Variants in CREB1 observed in about 807,000 individuals in gnomAD.
CREB1 encodes the protein cyclic AMP-responsive element-binding protein 1.
CREB1 carries 2 observed loss-of-function variants against 42.0 expected under a neutral mutation model. The observed-to-expected ratio is 0.05, with a 90% confidence interval of 0.02 to 0.15. The LOEUF (loss-of-function observed/expected upper bound fraction) is 0.15. Ranked by LOEUF, CREB1 falls within the 10% of genes least tolerant of loss-of-function variation. CREB1 has a pLI of 1.00. For synonymous variants in CREB1, 123 were observed against 139.9 expected (o/e 0.88, Z 0.85); for missense variants, 199 against 388.9 (o/e 0.51, Z 4.11).
chr2:207,602,220 T>A lies in CREB1; in HGVS notation c.*5162T>A, dbSNP rs2087182418. On this transcript the variant is annotated 3_prime_UTR_variant, in exon 8 of 8. Coordinates refer to ENST00000353267, the MANE Select transcript of CREB1 (RefSeq NM_004379.5). ...TTCAGGTGTTTTAGCTTGAAATTTA[T>A]TTTTTAAAAAAAGAAAAATTTAAAA... 1 of 186,066 alleles carries A rather than the reference T, an allele frequency of 5.4e-6. No homozygotes were observed. 11.5% of individuals were successfully genotyped at this position (186,066 alleles called of 1,614,324 possible). A position where few individuals can be genotyped will look rare whatever the true frequency, so the allele number is the denominator to read the frequency against.
chr2:207,556,333 A>G (rs551710000), intron 2 of CREB1, among the ~76,000 whole-genome samples: 1 of 152,206 alleles, frequency 6.6e-6, no homozygotes, highest in South Asian at 2.1e-4. Flanking sequence ...CTCCTCAACT[A>G]TTTTATTAAC....
chr2:207,547,956 A>C (rs1294930446), intron 1 of CREB1, among the ~76,000 whole-genome samples: 1 of 151,566 alleles, frequency 6.6e-6, no homozygotes, highest in Non-Finnish European at 1.5e-5. Context: ...ATTGAGATGG[A>C]GTCTCATTCA....
intron 3 of CREB1, among the ~76,000 whole-genome samples, chr2:207,565,232 T>C (rs2082098174): frequency 6.6e-6 from 1 of 152,200 alleles, no homozygotes; most frequent in Non-Finnish European, 1.5e-5. Flanking sequence ...GTCCATAGTT[T>C]ACATTAAACT....
intron 5 of CREB1, among the ~76,000 whole-genome samples, chr2:207,571,086 T>C (rs912367848): frequency 9.9e-5 from 15 of 151,620 alleles, no homozygotes; most frequent in Non-Finnish European, 2.2e-4. Flanking sequence ...TGTATTTGTT[T>C]ATTAAACCTG....
chr2:207,561,363 C>T (rs1271931372), intron 3 of CREB1, among the ~76,000 whole-genome samples: 3 of 152,200 alleles, frequency 2.0e-5, no homozygotes, highest in Non-Finnish European at 4.4e-5. Flanking sequence ...CATTTCTCCC[C>T]TCTTCCTAAT....
At chr2:207,589,382 C>CGGAAA (rs2084529313) in intron 7 of CREB1, among the ~76,000 whole-genome samples, 1 of 152,104 alleles carries the variant, frequency 6.6e-6, no homozygotes, top group Non-Finnish European at 1.5e-5. Context: ...TTCTGCTTTC[C>CGGAAA]TGTTCTACTT....
chr2:207,599,133 TTA>T lies in CREB1; in HGVS notation c.*2077_*2078del, dbSNP rs1241657515. On this transcript the variant is annotated 3_prime_UTR_variant, in exon 8 of 8. Coordinates refer to ENST00000353267, the MANE Select transcript of CREB1 (RefSeq NM_004379.5). Reference sequence around the variant, plus strand: ...TTCTAAGAATTAAGTGATGTAGTCTTTATGTTTGGACAGTTCACCAGATTCTC... The same window carrying T: ...TTCTAAGAATTAAGTGATGTAGTCTTTGTTTGGACAGTTCACCAGATTCTC... 12 of 194,886 alleles carry T rather than the reference TTA, an allele frequency of 6.2e-5. No individual in the cohort carries two copies. Among genetic ancestry groups the T allele is most frequent in the South Asian group, 1.9e-4 (1 of 5,212 alleles). The allele number at this position is 194,886 out of a possible 1,614,324, so 12.1% of individuals were successfully genotyped here. A position where few individuals can be genotyped will look rare whatever the true frequency, so the allele number is the denominator to read the frequency against.
chr2:207,536,501 G>A (rs541679751), intron 1 of CREB1, among the ~76,000 whole-genome samples: 2 of 152,290 alleles, frequency 1.3e-5, no homozygotes, highest in South Asian at 4.2e-4. Context: ...GTTGCAGTGA[G>A]CTGAGATTGC....
In CREB1 at chr2:207,601,413, C is replaced by T. The variant is rs1053989373; in HGVS notation, c.*4355C>T. The T allele has an allele frequency of 5.3e-6, 1 of 188,090 alleles. No individual in the cohort carries two copies. Among genetic ancestry groups the T allele is most frequent in the Non-Finnish European group, 1.1e-5 (1 of 89,342 alleles). The allele number at this position is 188,090 out of a possible 1,614,324, so 11.7% of individuals were successfully genotyped here. On this transcript the variant is annotated 3_prime_UTR_variant, in exon 8 of 8. Transcript: ENST00000353267. ...AATATTTTAGCACCTAAAAGCTAGC[C>T]TTAAAAACAGCTGTAAAAGAAAAAC...
At chr2:207,549,434 A>C (rs1574800993) in intron 1 of CREB1, among the ~76,000 whole-genome samples, 1 of 152,174 alleles carries the variant, frequency 6.6e-6, no homozygotes, top group African/African-American at 2.4e-5. Context: ...CCGCTTAAAA[A>C]AAAAAGGTGC....
In CREB1 at chr2:207,577,494, GT is replaced by G. The variant is rs1377970188; in HGVS notation, c.689-4del. ...GTTTCTGTCTTACACCATGCTCACTGTTTTTTTCAGCTGCCTCTGGAGACGT... is the reference window on the plus strand; with the variant it reads ...GTTTCTGTCTTACACCATGCTCACTGTTTTTTCAGCTGCCTCTGGAGACGT... On this transcript the variant is annotated splice_polypyrimidine_tract_variant and intron_variant, in intron 6 of 7. Transcript: ENST00000353267. 1 of 1,613,220 alleles carries G rather than the reference GT, an allele frequency of 6.2e-7. No homozygotes were observed. Among genetic ancestry groups the G allele is most frequent in the East Asian group, 2.2e-5 (1 of 44,850 alleles).
At chr2:207,592,633 A>G (rs1288686083) in intron 7 of CREB1, among the ~76,000 whole-genome samples, 2 of 152,026 alleles carry the variant, frequency 1.3e-5, no homozygotes, top group African/African-American at 4.8e-5. Flanking sequence ...ATTTTAGAAA[A>G]TTCTTGGCCA....
Position 207,530,138 on chromosome 2 carries a change from AGAGGAGCAG to A in CREB1, c.-9+11_-9+19del, listed in dbSNP as rs1459585045. 2.6e-5 allele frequency: 4 copies of A among 153,176 alleles called. No homozygotes were observed. The highest frequency in any genetic ancestry group is 9.7e-5 in the African/African-American group (4 of 41,430). 9.5% of individuals were successfully genotyped at this position (153,176 alleles called of 1,614,324 possible). On this transcript the variant is annotated splice_donor_5th_base_variant and intron_variant, in intron 1 of 7. Transcript: ENST00000353267. ...GACGGAGGAGCTTGTACCACCGGTA[AGAGGAGCAG>A]GAGGAGGAGGCAGGAGCCAGAGAGA...
At chr2:207,567,394 T>G in intron 3 of CREB1, 69 bp from the exon 4 acceptor site, 1 of 1,119,260 alleles carries the variant, frequency 8.9e-7, no homozygotes, top group South Asian at 1.4e-5. Context: ...TGACTTTTTA[T>G]ATTTGTTTAA....
chr2:207,533,206 T>C (rs1053376094), intron 1 of CREB1, among the ~76,000 whole-genome samples: 7 of 145,822 alleles, frequency 4.8e-5, no homozygotes, highest in Non-Finnish European at 1.1e-4. Context: ...GTTACCTGTT[T>C]TGAATGATTT....
intron 3 of CREB1, among the ~76,000 whole-genome samples, chr2:207,561,605 C>A (rs1222480640): frequency 1.3e-5 from 2 of 152,136 alleles, no homozygotes; most frequent in Non-Finnish European, 2.9e-5. Context: ...CCCCATCCCC[C>A]GCACCCTTCC....
At chr2:207,539,077 G>A (rs1006772934) in intron 1 of CREB1, among the ~76,000 whole-genome samples, 7 of 138,640 alleles carry the variant, frequency 5.0e-5, no homozygotes, top group Non-Finnish European at 1.1e-4. Flanking sequence ...ATCTCGCTCT[G>A]TCTCCCAGCC....
At chr2:207,564,579 A>T (rs2106508937) in intron 3 of CREB1, among the ~76,000 whole-genome samples, 1 of 152,280 alleles carries the variant, frequency 6.6e-6, no homozygotes, top group Middle Eastern at 3.4e-3. Context: ...GAGGGATAGT[A>T]CTTAAGTTTC....
chr2:207,537,807 T>C (rs2080935810), intron 1 of CREB1, among the ~76,000 whole-genome samples: 1 of 152,234 alleles, frequency 6.6e-6, no homozygotes, highest in Admixed American at 6.5e-5. Flanking sequence ...CTCTCTCTCT[T>C]TTTAAGCTCT....
Sources: allele counts gnomAD v4.1 joint callset (sites outside exome capture counted in the v4.1 genomes callset), GRCh38; gene constraint gnomAD v4.1.1; transcripts MANE v1.5; gene names NCBI Gene and HGNC (gene_info 2026-07-23, HGNC 2026-07-21).